The following SHLD1 variants were observed in gnomAD, a reference collection of about 807,000 sequenced individuals.
The protein encoded by SHLD1 is RINN1-REV7-interacting novel NHEJ regulator 3.
SHLD1 carries 3 observed loss-of-function variants against 5.5 expected under a neutral mutation model. That is an observed-to-expected ratio of 0.54 (90% CI 0.25 to 1.40). The LOEUF (loss-of-function observed/expected upper bound fraction) is 1.40. Ranked by LOEUF, SHLD1 falls within the 40% of genes most tolerant of loss-of-function variation. The pLI, the probability that SHLD1 is intolerant of heterozygous loss-of-function variation, is 0.15. For missense variants in SHLD1, 210 were observed against 244.4 expected (o/e 0.86, Z 0.94); for synonymous variants, 92 against 94.3 (o/e 0.98, Z 0.14).
chr20:5,821,772 T>G (rs2087609071), intron 2 of SHLD1, among the ~76,000 whole-genome samples: 1 of 152,146 alleles, frequency 6.6e-6, no homozygotes, highest in African/African-American at 2.4e-5. Flanking sequence ...ACCGGATGCT[T>G]GGCTGGAGTT....
At chr20:5,849,784 C>T (rs1183589430) in intron 2 of SHLD1, among the ~76,000 whole-genome samples, 1 of 149,854 alleles carries the variant, frequency 6.7e-6, no homozygotes, top group East Asian at 2.0e-4. Flanking sequence ...AAGGTGAAAC[C>T]CCGTCTCTAC....
At chr20:5,764,134 A>AT in intron 1 of SHLD1, among the ~76,000 whole-genome samples, 1 of 93,720 alleles carries the variant, frequency 1.1e-5, no homozygotes, top group African/African-American at 5.1e-5. Context: ...CTCAAAAAAA[A>AT]AAAAAATATA....
chr20:5,794,253 T>A lies in SHLD1; in HGVS notation c.178+21210T>A, dbSNP rs73894040. Among the ~76,000 whole-genome samples the A allele has an allele frequency of 7.3e-3, 1,106 of 152,224 alleles. 12 individuals are homozygous for A. The highest frequency in any genetic ancestry group is 0.025 in the African/African-American group (1,040 of 41,526). ...TTCATAGGTTGTCATGAGGATTGAGTGAGACACCTGGAGCTGAGTAGACTT... is the reference window on the plus strand; with the variant it reads ...TTCATAGGTTGTCATGAGGATTGAGAGAGACACCTGGAGCTGAGTAGACTT... On this transcript the variant is annotated intron_variant, in intron 2 of 2. Transcript: ENST00000303142.
chr20:5,819,848 A>G (rs974853585), intron 2 of SHLD1, among the ~76,000 whole-genome samples: 5 of 152,194 alleles, frequency 3.3e-5, no homozygotes, highest in African/African-American at 1.2e-4. Flanking sequence ...TAAAATCATC[A>G]TGTAACTTGC....
intron 1 of SHLD1, among the ~76,000 whole-genome samples, chr20:5,752,772 C>T (rs888835285): frequency 1.4e-4 from 22 of 151,844 alleles, no homozygotes; most frequent in African/African-American, 5.1e-4. Flanking sequence ...TGCACCACCA[C>T]ACCTGACTAA....
At chr20:5,791,067 G>A (rs1474445825) in intron 2 of SHLD1, among the ~76,000 whole-genome samples, 2 of 152,200 alleles carry the variant, frequency 1.3e-5, no homozygotes, top group African/African-American at 4.8e-5. Context: ...GGAGGCTGAG[G>A]CAAGAGGATC....
intron 2 of SHLD1, among the ~76,000 whole-genome samples, chr20:5,798,207 C>T (rs1468298801): frequency 6.6e-6 from 1 of 152,180 alleles, no homozygotes; most frequent in Non-Finnish European, 1.5e-5. Flanking sequence ...TCTCTCCATG[C>T]CCATGTGGCT....
intron 2 of SHLD1, among the ~76,000 whole-genome samples, chr20:5,818,482 T>C (rs1429077252): frequency 6.6e-6 from 1 of 152,242 alleles, no homozygotes; most frequent in Admixed American, 6.5e-5. Flanking sequence ...AACATTTTTC[T>C]GTAGTAAGTA....
At chr20:5,854,285 C>T (rs2088052493) in intron 2 of SHLD1, among the ~76,000 whole-genome samples, 2 of 152,104 alleles carry the variant, frequency 1.3e-5, no homozygotes, top group Admixed American at 6.5e-5. Flanking sequence ...GGATTACAGG[C>T]GTGAGCCACC....
chr20:5,858,203 A>G (rs1256253302), intron 2 of SHLD1, among the ~76,000 whole-genome samples: 1 of 152,194 alleles, frequency 6.6e-6, no homozygotes, highest in Non-Finnish European at 1.5e-5. Context: ...GAAACTCTGG[A>G]CAATCAAGCA....
At chr20:5,794,410 A>C (rs1279534357) in intron 2 of SHLD1, among the ~76,000 whole-genome samples, 6 of 152,210 alleles carry the variant, frequency 3.9e-5, no homozygotes, top group Admixed American at 3.3e-4. Flanking sequence ...GTTGCTCAGT[A>C]CGAGGCAAAA....
chr20:5,815,450 G>A (rs1388799508), intron 2 of SHLD1, among the ~76,000 whole-genome samples: 1 of 152,188 alleles, frequency 6.6e-6, no homozygotes, highest in East Asian at 1.9e-4. Context: ...GGCCAATGAT[G>A]TGTAAATAAG....
At chr20:5,752,560 A>G (rs1481927415) in intron 1 of SHLD1, among the ~76,000 whole-genome samples, 1 of 151,882 alleles carries the variant, frequency 6.6e-6, no homozygotes, top group Non-Finnish European at 1.5e-5. Context: ...TACAAAAGAC[A>G]GCTTTGTAGC....
intron 2 of SHLD1, among the ~76,000 whole-genome samples, chr20:5,826,145 C>T (rs2087662596): frequency 6.6e-6 from 1 of 152,160 alleles, no homozygotes; most frequent in African/African-American, 2.4e-5. Flanking sequence ...TCAGGTTTTG[C>T]TTTTATTTCT....
chr20:5,856,463 A>T (rs2088086021), intron 2 of SHLD1, among the ~76,000 whole-genome samples: 1 of 152,148 alleles, frequency 6.6e-6, no homozygotes, highest in African/African-American at 2.4e-5. Context: ...GGGTGGCAGT[A>T]GTGAGGGGGT....
At chr20:5,840,530 A>G (rs2087845261) in intron 2 of SHLD1, among the ~76,000 whole-genome samples, 1 of 152,194 alleles carries the variant, frequency 6.6e-6, no homozygotes, top group Non-Finnish European at 1.5e-5. Context: ...TAGTCGCTGT[A>G]GTGATAGCGT....
At chr20:5,787,364 A>G (rs1164928891) in intron 2 of SHLD1, among the ~76,000 whole-genome samples, 1 of 152,176 alleles carries the variant, frequency 6.6e-6, no homozygotes, top group Non-Finnish European at 1.5e-5. Flanking sequence ...AACTCTTCTT[A>G]TTCTTGGCTC....
chr20:5,823,313 T>G (rs1314177426), intron 2 of SHLD1, among the ~76,000 whole-genome samples: 1 of 152,134 alleles, frequency 6.6e-6, no homozygotes, highest in African/African-American at 2.4e-5. Flanking sequence ...CTTTTGTATT[T>G]TTTTGTAGAG....
intron 2 of SHLD1, among the ~76,000 whole-genome samples, chr20:5,857,617 T>C (rs958115296): frequency 1.3e-5 from 2 of 151,968 alleles, no homozygotes; most frequent in African/African-American, 4.8e-5. Flanking sequence ...GAGATCAGCC[T>C]GGGCAACGTG....
Sources: allele counts gnomAD v4.1 joint callset (sites outside exome capture counted in the v4.1 genomes callset), GRCh38; gene constraint gnomAD v4.1.1; transcripts MANE v1.5; gene names NCBI Gene and HGNC (gene_info 2026-07-23, HGNC 2026-07-21).